The following RYR2 variants were observed in gnomAD, a reference collection of about 807,000 sequenced individuals.
RYR2 encodes ryanodine receptor 2, also known as cardiac muscle ryanodine receptor-calcium release channel.
A neutral mutation model predicts 601.1 loss-of-function variants in RYR2; 227 were observed. That is an observed-to-expected ratio of 0.38 (90% CI 0.34 to 0.42). The LOEUF (loss-of-function observed/expected upper bound fraction) is 0.42, where lower values mean the gene tolerates loss of function less well. RYR2 is among the 10% of genes least tolerant of loss of function. RYR2 has a pLI of 1.00. For synonymous variants in RYR2, 2,223 were observed against 2,175.1 expected (o/e 1.02, Z -0.61); for missense variants, 4,646 against 6,156.5 (o/e 0.75, Z 8.21).
intron 1 of RYR2, among the ~76,000 whole-genome samples, chr1:237,052,126 G>T (rs1327194116): frequency 6.6e-6 from 1 of 152,108 alleles, no homozygotes; most frequent in Non-Finnish European, 1.5e-5. Context: ...TGTGTGAACG[G>T]GATACCTCTT....
intron 19 of RYR2, among the ~76,000 whole-genome samples, chr1:237,494,780 G>A (rs1253911063): frequency 6.6e-6 from 1 of 152,106 alleles, no homozygotes; most frequent in Non-Finnish European, 1.5e-5. Flanking sequence ...GGGGTTTGTT[G>A]TGTATTTCTA....
chr1:237,401,669 G>C (rs1471618297), intron 10 of RYR2, among the ~76,000 whole-genome samples: 2 of 152,184 alleles, frequency 1.3e-5, no homozygotes, highest in Non-Finnish European at 2.9e-5. Flanking sequence ...CAGAATGTTT[G>C]AGTGCAGTTT....
At chr1:237,373,746 G>A (rs1289192305) in intron 6 of RYR2, among the ~76,000 whole-genome samples, 1 of 152,200 alleles carries the variant, frequency 6.6e-6, no homozygotes, top group Non-Finnish European at 1.5e-5. Flanking sequence ...GATTACTCCT[G>A]TGGAAATGCA....
At chr1:237,094,092 G>A (rs1310287002) in intron 1 of RYR2, among the ~76,000 whole-genome samples, 2 of 152,218 alleles carry the variant, frequency 1.3e-5, no homozygotes, top group African/African-American at 4.8e-5. Flanking sequence ...CCTTCTTCGA[G>A]TCCTCCATTT....
At chr1:237,421,872 A>G (rs1705628003) in intron 11 of RYR2, among the ~76,000 whole-genome samples, 1 of 152,134 alleles carries the variant, frequency 6.6e-6, no homozygotes, top group African/African-American at 2.4e-5. Context: ...CTTTTTCTTC[A>G]TAACATATCT....
chr1:237,333,094 A>G (rs1439005691), intron 3 of RYR2, among the ~76,000 whole-genome samples: 2 of 152,232 alleles, frequency 1.3e-5, no homozygotes, highest in African/African-American at 4.8e-5. Context: ...GAATGTCTCC[A>G]TCACAGATAA....
intron 72 of RYR2, among the ~76,000 whole-genome samples, 196 bp from the exon 73 acceptor site, chr1:237,718,266 G>A (rs1455624927): frequency 6.6e-6 from 1 of 152,132 alleles, no homozygotes; most frequent in Non-Finnish European, 1.5e-5. Context: ...AGGTAAAGCA[G>A]GTCATTACCT....
At chr1:237,626,580 CTTTTTTTTTTT>C (rs60885998) in intron 40 of RYR2, among the ~76,000 whole-genome samples, 1,407 of 40,082 alleles carry the variant, frequency 0.035, 9 homozygotes, top group African/African-American at 0.13. Context: ...TTTTCTTTTT[CTTTTTTTTTTT>C]TTTTTTTTTT....
At chr1:237,672,963 C>A (rs184633260) in intron 58 of RYR2, among the ~76,000 whole-genome samples, 12 of 152,262 alleles carry the variant, frequency 7.9e-5, no homozygotes, top group African/African-American at 2.9e-4. Flanking sequence ...CTGTAGATGG[C>A]GCTTTCAGTC....
intron 25 of RYR2, among the ~76,000 whole-genome samples, chr1:237,545,753 T>TAAA (rs57471366): frequency 1.4e-4 from 18 of 128,208 alleles, no homozygotes; most frequent in Admixed American, 1.4e-3. Flanking sequence ...TCTTGAAAAA[T>TAAA]AAAAAAAAAA....
Position 237,485,028 on chromosome 1 carries a change from T to C in RYR2, c.1709-6778T>C, listed in dbSNP as rs533261522. 7.2e-5 allele frequency among the ~76,000 whole-genome samples: 11 copies of C among 152,332 alleles called. No homozygotes were observed. In the East Asian group the frequency reaches 2.1e-3, roughly 29 times the overall value. ...TGCCTGCAGCCTCAATTTTGTGTTC[T>C]ACAAACAAACAGCACAGAAATTTGC... is the stretch of plus-strand genomic sequence containing the variant. On this transcript the variant is annotated intron_variant, in intron 17 of 104. Coordinates refer to ENST00000366574, the MANE Select transcript of RYR2 (RefSeq NM_001035.3).
At chr1:237,557,897 A>T (rs1478056605) in intron 27 of RYR2, among the ~76,000 whole-genome samples, 1 of 152,220 alleles carries the variant, frequency 6.6e-6, no homozygotes, top group Non-Finnish European at 1.5e-5. Flanking sequence ...CTTCAGTTTG[A>T]GGTGCATGTG....
At position 237,065,269 on chromosome 1, in the gene RYR2, C is replaced by CTTTT. The variant is rs766039441; in HGVS notation, c.48+22724_48+22727dup. 2.5e-3 allele frequency among the ~76,000 whole-genome samples: 193 copies of CTTTT among 77,448 alleles called. 21 individuals are homozygous for CTTTT. The highest frequency in any genetic ancestry group is 8.1e-3 in the African/African-American group (156 of 19,142). The allele number at this position is 77,448 out of a possible 152,430, so 50.8% of individuals were successfully genotyped here. On this transcript the variant is annotated intron_variant, in intron 1 of 104. Transcript: ENST00000366574. ...CCTCAAAGAGCTCTTGTGTGCTATCCTTTTTTTTTTTTTTTTTTTTTTTTT... is the reference window on the plus strand; with the variant it reads ...CCTCAAAGAGCTCTTGTGTGCTATCCTTTTTTTTTTTTTTTTTTTTTTTTTTTTT...
intron 17 of RYR2, among the ~76,000 whole-genome samples, chr1:237,469,937 T>C (rs527696824): frequency 6.6e-6 from 1 of 152,348 alleles, no homozygotes; most frequent in African/African-American, 2.4e-5. Flanking sequence ...GATTTTGGAC[T>C]TACCAGTATT....
chr1:237,448,086 C>T (rs1313527453), intron 14 of RYR2, among the ~76,000 whole-genome samples: 1 of 151,880 alleles, frequency 6.6e-6, no homozygotes, highest in Admixed American at 6.6e-5. Flanking sequence ...ATCACCACTC[C>T]TGGCTAATTT....
At chr1:237,332,248 G>A (rs1289875984) in intron 3 of RYR2, among the ~76,000 whole-genome samples, 1 of 152,048 alleles carries the variant, frequency 6.6e-6, no homozygotes, top group Non-Finnish European at 1.5e-5. Flanking sequence ...TTAGTGTCAT[G>A]CAGCTTATGA....
intron 10 of RYR2, 108 bp from the exon 11 acceptor site, chr1:237,416,941 A>G: frequency 1.2e-6 from 1 of 857,546 alleles, no homozygotes. Flanking sequence ...TTAACTGTTT[A>G]CTCACAGGCC....
Position 237,643,390 on chromosome 1 carries a change from C to T in RYR2, c.7285C>T (p.Leu2429=), listed in dbSNP as rs761693274. ...IRSILRSLIP[L]GDLVGVISIA... is the part of the protein sequence containing the mutation. ...GTCCATTTTGAGATCCCTCATTCCC[C>T]TGGGAGATTTGGTGGGCGTTATCAG... Residue 2429 remains leucine, a synonymous_variant, in exon 48 of 105, where the codon CTG becomes TTG. Transcript: ENST00000366574. 2 of 1,613,706 alleles carry T rather than the reference C, an allele frequency of 1.2e-6. No homozygotes were observed. The highest frequency in any genetic ancestry group is 2.7e-5 in the African/African-American group (2 of 74,872).
chr1:237,185,423 A>T (rs568623242), intron 1 of RYR2, among the ~76,000 whole-genome samples: 1 of 152,354 alleles, frequency 6.6e-6, no homozygotes, highest in South Asian at 2.1e-4. Flanking sequence ...TTTGTGCTCC[A>T]TATATCTAAA....
Sources: allele counts gnomAD v4.1 joint callset (sites outside exome capture counted in the v4.1 genomes callset), GRCh38; gene constraint gnomAD v4.1.1; transcripts MANE v1.5; gene names NCBI Gene and HGNC (gene_info 2026-07-23, HGNC 2026-07-21).